The following RORB variants were observed in gnomAD, a reference collection of about 807,000 sequenced individuals.
RORB encodes nuclear receptor ROR-beta.
In RORB, 6 loss-of-function variants were observed where a neutral mutation model predicts 59.1. The ratio of observed to expected loss-of-function variants is 0.10; its 90% CI spans 0.06 to 0.20. The LOEUF (loss-of-function observed/expected upper bound fraction) is 0.20, where lower values mean the gene tolerates loss of function less well. Among genes scored for constraint, RORB ranks in the 10% least tolerant of loss-of-function variants. The probability of loss-of-function intolerance (pLI) is 1.00; values close to 1 mark genes in which losing one functional copy is unlikely to be tolerated. For missense variants in RORB, 320 were observed against 560.5 expected (o/e 0.57, Z 4.33); for synonymous variants, 215 against 204.5 (o/e 1.05, Z -0.44).
intron 1 of RORB, among the ~76,000 whole-genome samples, chr9:74,499,739 C>T (rs908124281): frequency 3.3e-5 from 5 of 152,132 alleles, no homozygotes; most frequent in African/African-American, 1.2e-4. Context: ...TCTCACCATC[C>T]CATCCATTCT....
intron 1 of RORB, among the ~76,000 whole-genome samples, chr9:74,612,036 G>A (rs1340172112): frequency 6.6e-6 from 1 of 152,136 alleles, no homozygotes; most frequent in African/African-American, 2.4e-5. Context: ...TTATAGTCAA[G>A]GTGAAAGAGA....
At chr9:74,537,822 C>G (rs1313493239) in intron 1 of RORB, among the ~76,000 whole-genome samples, 4 of 152,006 alleles carry the variant, frequency 2.6e-5, no homozygotes, top group Non-Finnish European at 5.9e-5. Context: ...CTAGTTATGT[C>G]ATAGCAGTTG....
At chr9:74,628,584 A>G (rs191798617) in intron 1 of RORB, among the ~76,000 whole-genome samples, 17 of 152,348 alleles carry the variant, frequency 1.1e-4, no homozygotes, top group Admixed American at 1.0e-3. Context: ...TAAAAATTCA[A>G]TGTACTGCCC....
intron 1 of RORB, among the ~76,000 whole-genome samples, chr9:74,622,933 G>A (rs906439246): frequency 6.6e-6 from 1 of 152,112 alleles, no homozygotes; most frequent in Non-Finnish European, 1.5e-5. Flanking sequence ...GAGTCAGCAA[G>A]TCTCAGGACA....
At position 74,564,260 on chromosome 9, in the gene RORB, T is replaced by C. The variant is rs539891644; in HGVS notation, c.8-66022T>C. Among the ~76,000 whole-genome samples the C allele has an allele frequency of 2.0e-5, 3 of 152,330 alleles. No homozygotes were observed. In the South Asian group the frequency reaches 6.2e-4, roughly 32 times the overall value. ...CTCCCCCATGATGTGTCTGCAAAGA[T>C]CATTATCATTGCTATATAATAGGCA... On this transcript the variant is annotated intron_variant, in intron 1 of 9. Transcript: ENST00000376896.
intron 1 of RORB, among the ~76,000 whole-genome samples, chr9:74,528,202 A>T (rs1170968747): frequency 6.6e-6 from 1 of 151,970 alleles, no homozygotes; most frequent in African/African-American, 2.4e-5. Context: ...CTTGAGTGAA[A>T]CTGTAAGCTA....
At chr9:74,606,897 GT>G (rs1238577179) in intron 1 of RORB, among the ~76,000 whole-genome samples, 3 of 152,274 alleles carry the variant, frequency 2.0e-5, no homozygotes, top group Non-Finnish European at 2.9e-5. Context: ...AAGCACTAAT[GT>G]TTATAAAGAA....
intron 1 of RORB, among the ~76,000 whole-genome samples, chr9:74,610,095 A>T (rs1321118151): frequency 6.6e-6 from 1 of 152,240 alleles, no homozygotes; most frequent in African/African-American, 2.4e-5. Flanking sequence ...ATTACTGATG[A>T]TTAATTCTCA....
At chr9:74,579,039 C>G (rs1323352) in intron 1 of RORB, among the ~76,000 whole-genome samples, 145,879 of 152,226 alleles carry the variant, frequency 0.96, 70,217 homozygotes, top group East Asian at 1. Context: ...TGTTTATACT[C>G]TATTAATCCT....
intron 1 of RORB, among the ~76,000 whole-genome samples, chr9:74,556,982 T>C (rs780976486): frequency 6.6e-6 from 1 of 152,160 alleles, no homozygotes; most frequent in Non-Finnish European, 1.5e-5. Flanking sequence ...TATACTATCG[T>C]ATGGTAGATA....
intron 1 of RORB, among the ~76,000 whole-genome samples, chr9:74,583,926 C>G (rs991315280): frequency 3.3e-5 from 5 of 152,150 alleles, no homozygotes; most frequent in Non-Finnish European, 7.3e-5. Flanking sequence ...ACAGACTGAG[C>G]ACTTTGATGG....
intron 1 of RORB, among the ~76,000 whole-genome samples, chr9:74,612,837 C>T (rs972007884): frequency 1.3e-5 from 2 of 151,964 alleles, no homozygotes; most frequent in African/African-American, 4.8e-5. Context: ...TCCCCCAGAT[C>T]GATTTGCTTT....
chr9:74,546,894 A>G (rs1017124158), intron 1 of RORB, among the ~76,000 whole-genome samples: 13 of 152,162 alleles, frequency 8.5e-5, no homozygotes, highest in Admixed American at 6.5e-4. Flanking sequence ...GGAGTTTGAG[A>G]CCAGCCTGGC....
chr9:74,633,289 C>T (rs565865181), intron 2 of RORB, among the ~76,000 whole-genome samples: 32 of 152,276 alleles, frequency 2.1e-4, no homozygotes, highest in Non-Finnish European at 3.7e-4. Context: ...CCTCACTAGG[C>T]GTACCTAGCC....
chr9:74,589,934 T>A (rs1822861969), intron 1 of RORB, among the ~76,000 whole-genome samples: 1 of 152,254 alleles, frequency 6.6e-6, no homozygotes, highest in Non-Finnish European at 1.5e-5. Flanking sequence ...GATAAGAACA[T>A]AGACTTTGGT....
intron 9 of RORB, among the ~76,000 whole-genome samples, chr9:74,682,579 T>C (rs760908988): frequency 3.9e-4 from 60 of 152,136 alleles, no homozygotes; most frequent in Non-Finnish European, 7.1e-4. Context: ...CTCTATGTAG[T>C]ATTTGTGTGT....
intron 9 of RORB, 149 bp from the exon 10 acceptor site, chr9:74,685,314 G>A: frequency 1.6e-6 from 1 of 639,728 alleles, no homozygotes; most frequent in Non-Finnish European, 2.6e-6. Flanking sequence ...TGTTGTAAGA[G>A]AAAAGCTGAA....
chr9:74,563,691 G>A (rs1822431157), intron 1 of RORB, among the ~76,000 whole-genome samples: 1 of 152,216 alleles, frequency 6.6e-6, no homozygotes, highest in African/African-American at 2.4e-5. Context: ...ACACAGGTAT[G>A]GGCAGGGTTA....
intron 1 of RORB, among the ~76,000 whole-genome samples, chr9:74,514,337 T>G (rs761771618): frequency 2.0e-5 from 3 of 152,072 alleles, no homozygotes; most frequent in Non-Finnish European, 4.4e-5. Context: ...TATTTTAGAC[T>G]TTGTGGCCCA....
Sources: gnomAD v4.1 joint callset for allele counts (sites outside exome capture counted in the v4.1 genomes callset) on GRCh38, gnomAD v4.1.1 for gene constraint, MANE v1.5 for transcripts, NCBI Gene and HGNC (gene_info 2026-07-23, HGNC 2026-07-21) for gene names.